The following MID1 variants were observed in gnomAD, a reference collection of about 807,000 sequenced individuals.
MID1 encodes E3 ubiquitin-protein ligase Midline-1.
MID1 carries 7 observed loss-of-function variants against 40.4 expected under a neutral mutation model. The ratio of observed to expected loss-of-function variants is 0.17; its 90% CI spans 0.10 to 0.33. The LOEUF (loss-of-function observed/expected upper bound fraction) is 0.33. Ranked by LOEUF, MID1 falls within the 10% of genes least tolerant of loss-of-function variation. The pLI, the probability that MID1 is intolerant of heterozygous loss-of-function variation, is 1.00. For missense variants in MID1, 367 were observed against 558.5 expected, an observed-to-expected ratio of 0.66 and a Z score of 3.46; for synonymous variants, 229 against 221.2, an observed-to-expected ratio of 1.04 and a Z score of -0.31.
At chrX:10,489,797 G>A (rs766760798) in intron 4 of MID1, among the ~76,000 whole-genome samples, 1 of 107,006 alleles carries the variant, frequency 9.3e-6, no homozygotes, top group Admixed American at 1.0e-4. Flanking sequence ...CCGGATTCAC[G>A]CCATTCTCCT....
intron 1 of MID1, among the ~76,000 whole-genome samples, chrX:10,586,097 G>C (rs995189646): frequency 1.8e-5 from 2 of 111,417 alleles, no homozygotes; most frequent in Admixed American, 1.9e-4. Flanking sequence ...ACCTTGTATA[G>C]AGTAACATTA....
intron 1 of MID1, among the ~76,000 whole-genome samples, chrX:10,755,886 G>C (rs1292517396): frequency 2.7e-5 from 3 of 112,177 alleles, no homozygotes; most frequent in African/African-American, 9.7e-5. Flanking sequence ...CTGGTGGAAA[G>C]GAGACAGTTT....
chrX:10,809,714 C>A (rs1005714498), intron 1 of MID1, among the ~76,000 whole-genome samples: 1 of 97,941 alleles, frequency 1.0e-5, no homozygotes, highest in African/African-American at 3.9e-5. Context: ...TAGGTGGGAA[C>A]TGAACAATGA....
intron 2 of MID1, among the ~76,000 whole-genome samples, chrX:10,528,230 G>T (rs993412624): frequency 9.0e-6 from 1 of 110,542 alleles, no homozygotes; most frequent in Non-Finnish European, 1.9e-5. Flanking sequence ...AAAAAAAATA[G>T]AACCAAGAAA....
chrX:10,759,099 A>G (rs1420239200), intron 1 of MID1, among the ~76,000 whole-genome samples: 2 of 112,133 alleles, frequency 1.8e-5, no homozygotes, highest in Non-Finnish European at 3.8e-5. Flanking sequence ...GACATTGACA[A>G]CACGCATGTA....
chrX:10,571,179 C>T (rs988097818), intron 1 of MID1, among the ~76,000 whole-genome samples: 5 of 112,451 alleles, frequency 4.4e-5, no homozygotes, highest in African/African-American at 1.6e-4. Context: ...AGTGTCTGTA[C>T]TGTAAATGGT....
At chrX:10,775,885 A>G (rs2043799598) in intron 1 of MID1, among the ~76,000 whole-genome samples, 1 of 111,752 alleles carries the variant, frequency 8.9e-6, no homozygotes. Context: ...AGGTTCCTAC[A>G]CAAACAGCTC....
intron 1 of MID1, among the ~76,000 whole-genome samples, chrX:10,708,057 A>G (rs770578266): frequency 8.9e-6 from 1 of 112,597 alleles, no homozygotes; most frequent in South Asian, 3.7e-4. Flanking sequence ...TCAAGACCTT[A>G]CTATTGTATA....
chrX:10,580,275 G>A (rs781589218), intron 1 of MID1, among the ~76,000 whole-genome samples: 24 of 105,849 alleles, frequency 2.3e-4, no homozygotes, highest in African/African-American at 8.5e-4. Flanking sequence ...TAAGATACTG[G>A]TTCTGTCAAA....
At chrX:10,498,121 AG>A (rs1040600092) in intron 3 of MID1, among the ~76,000 whole-genome samples, 1 of 111,320 alleles carries the variant, frequency 9.0e-6, no homozygotes, top group African/African-American at 3.3e-5. Flanking sequence ...TTTTTGAGAC[AG>A]GGTCTTGCTC....
At chrX:10,736,584 T>C (rs2043489501) in intron 1 of MID1, among the ~76,000 whole-genome samples, 1 of 112,134 alleles carries the variant, frequency 8.9e-6, no homozygotes, top group Non-Finnish European at 1.9e-5. Flanking sequence ...ATGGCAGGCA[T>C]TGGAAGAGAC....
At chrX:10,605,897 C>T (rs1569125358) in intron 1 of MID1, among the ~76,000 whole-genome samples, 2 of 111,022 alleles carry the variant, frequency 1.8e-5, no homozygotes, top group African/African-American at 6.6e-5. Context: ...ATAGTGATAC[C>T]TCCGGTCACT....
chrX:10,510,384 G>GT (rs1932056302), intron 3 of MID1, among the ~76,000 whole-genome samples: 1 of 111,663 alleles, frequency 9.0e-6, no homozygotes, highest in Non-Finnish European at 1.9e-5. Context: ...GATTACTCCT[G>GT]TAACACTTTA....
chrX:10,540,973 G>C (rs1933447687), intron 2 of MID1, among the ~76,000 whole-genome samples: 1 of 112,234 alleles, frequency 8.9e-6, no homozygotes, highest in Non-Finnish European at 1.9e-5. Flanking sequence ...AATTGAGAGT[G>C]CAGAGTGCTC....
chrX:10,447,247 G>A lies in MID1; in HGVS notation c.*2121C>T, dbSNP rs942714931. 9 of 111,605 alleles carry A rather than the reference G, an allele frequency of 8.1e-5. No homozygotes were observed. The highest frequency in any genetic ancestry group is 1.7e-4 in the Non-Finnish European group (9 of 53,160). 9.2% of individuals were successfully genotyped at this position (111,605 alleles called of 1,213,427 possible). A position where few individuals can be genotyped will look rare whatever the true frequency, so the allele number is the denominator to read the frequency against. On this transcript the variant is annotated 3_prime_UTR_variant, in exon 10 of 10. Coordinates refer to ENST00000317552, the MANE Select transcript of MID1 (RefSeq NM_000381.4). ...ATGGCTTACTGTGAAAATTTGAGTA[G>A]TAACTTCTTAATATTGAAAAACATT...
chrX:10,731,388 T>C (rs1477386438), intron 1 of MID1, among the ~76,000 whole-genome samples: 1 of 111,579 alleles, frequency 9.0e-6, no homozygotes, highest in Non-Finnish European at 1.9e-5. Context: ...TAAACGAAGA[T>C]AGAAAAAGGT....
chrX:10,683,770 CTTTT>C (rs34917176), intron 1 of MID1, among the ~76,000 whole-genome samples: 143 of 45,061 alleles, frequency 3.2e-3, no homozygotes, highest in African/African-American at 0.015. Context: ...TGCACGTCAT[CTTTT>C]TTTTTTTTTT....
At chrX:10,488,127 G>A (rs1403436747) in intron 4 of MID1, among the ~76,000 whole-genome samples, 1 of 109,591 alleles carries the variant, frequency 9.1e-6, no homozygotes, top group Non-Finnish European at 1.9e-5. Context: ...GATTACAGGA[G>A]TGAGCCACCA....
chrX:10,640,373 T>C (rs1356612685), intron 1 of MID1, among the ~76,000 whole-genome samples: 2 of 110,857 alleles, frequency 1.8e-5, no homozygotes, highest in Admixed American at 9.6e-5. Context: ...TCCTAGTCTC[T>C]GATAAAACAG....
Sources: gnomAD v4.1 joint callset for allele counts (sites outside exome capture counted in the v4.1 genomes callset) on GRCh38, gnomAD v4.1.1 for gene constraint, MANE v1.5 for transcripts, NCBI Gene and HGNC (gene_info 2026-07-23, HGNC 2026-07-21) for gene names.